PPP6C: variants seen among roughly 807,000 people sequenced by gnomAD.
PPP6C encodes protein phosphatase 6 catalytic subunit.
In PPP6C, 11 loss-of-function variants were observed where a neutral mutation model predicts 39.8. The observed-to-expected ratio is 0.28, with a 90% confidence interval of 0.17 to 0.46. The LOEUF is 0.46. Among genes scored for constraint, PPP6C ranks in the 20% least tolerant of loss-of-function variants. PPP6C has a pLI of 1.00. For synonymous variants in PPP6C, 129 were observed against 130.3 expected (o/e 0.99, Z 0.07); for missense variants, 211 against 373.9 (o/e 0.56, Z 3.59).
chr9:125,151,708 C>CTGAGCTTAT (rs1226641730), intron 6 of PPP6C: 3 of 319,250 alleles, frequency 9.4e-6, no homozygotes, highest in African/African-American at 4.4e-5. Flanking sequence ...CTTTCTATAT[C>CTGAGCTTAT]CCACATCAGG....
At position 125,149,871 on chromosome 9, in the gene PPP6C, C is replaced by T. The variant is rs748497442; in HGVS notation, c.720G>A (p.Val240=). The part of the protein sequence containing the change: ...LKLICRAHQL[V]HEGYKFMFDE... ...CAAACATAAATTTATAGCCTTCGTG[C>T]ACTAGTTGATGTGCTCTGCAGATGA... Residue 240 remains valine, a synonymous_variant, in exon 7 of 7, where the codon GTG becomes GTA. Coordinates refer to ENST00000373547, the MANE Select transcript of PPP6C (RefSeq NM_002721.5). The T allele has an allele frequency of 6.8e-6, 11 of 1,613,956 alleles. No homozygotes were observed. In the Admixed American group the frequency reaches 1.5e-4, roughly 22 times the overall value.
chr9:125,165,958 G>A (rs1829004466), intron 2 of PPP6C, among the ~76,000 whole-genome samples: 1 of 151,780 alleles, frequency 6.6e-6, no homozygotes, highest in African/African-American at 2.4e-5. Flanking sequence ...CTCCACACCT[G>A]GCTAATTTTT....
intron 6 of PPP6C, chr9:125,151,001 G>T: frequency 7.3e-7 from 1 of 1,362,248 alleles, no homozygotes; most frequent in Non-Finnish European, 1.1e-6. Context: ...TCTGTGGCAG[G>T]CGCAGATCAT....
At chr9:125,178,205 T>A (rs955172676) in intron 1 of PPP6C, among the ~76,000 whole-genome samples, 1 of 152,230 alleles carries the variant, frequency 6.6e-6, no homozygotes, top group African/African-American at 2.4e-5. Flanking sequence ...AGAGTTTGTT[T>A]AGTTTTATAA....
intron 2 of PPP6C, among the ~76,000 whole-genome samples, chr9:125,162,361 G>T (rs1361066673): frequency 6.6e-6 from 1 of 150,748 alleles, no homozygotes; most frequent in African/African-American, 2.4e-5. Flanking sequence ...GGGAGGCTGA[G>T]GCACAAGAAT....
rs1350921144 is a variant in PPP6C, at chr9:125,189,072, G to A, written c.75+572C>T. 16 of 697,340 alleles carry A rather than the reference G, an allele frequency of 2.3e-5. 1 individual carries two copies. The highest frequency in any genetic ancestry group is 3.8e-5 in the Non-Finnish European group (16 of 423,340). The allele number at this position is 697,340 out of a possible 1,614,324, so 43.2% of individuals were successfully genotyped here. ...TCACCTCTGAATTAGCAAAACCGACGATCCTAAAAAGCAATTTGGAGGAGT... is the reference window on the plus strand; with the variant it reads ...TCACCTCTGAATTAGCAAAACCGACAATCCTAAAAAGCAATTTGGAGGAGT... On this transcript the variant is annotated intron_variant, in intron 1 of 6. Transcript: ENST00000373547.
intron 2 of PPP6C, among the ~76,000 whole-genome samples, chr9:125,169,999 T>G (rs1209200931): frequency 6.6e-6 from 1 of 152,182 alleles, no homozygotes; most frequent in East Asian, 1.9e-4. Context: ...CACAGTCATA[T>G]TTAAAGCAGG....
intron 4 of PPP6C, among the ~76,000 whole-genome samples, chr9:125,154,927 C>G (rs954442449): frequency 6.6e-6 from 1 of 152,204 alleles, no homozygotes; most frequent in African/African-American, 2.4e-5. Flanking sequence ...AGGTCTCACT[C>G]TATTGCCCAA....
chr9:125,158,742 A>G (rs1255902751), intron 3 of PPP6C, among the ~76,000 whole-genome samples: 2 of 151,620 alleles, frequency 1.3e-5, no homozygotes, highest in African/African-American at 4.9e-5. Context: ...GTTCACTGCA[A>G]CCTCCGCCTC....
intron 1 of PPP6C, among the ~76,000 whole-genome samples, chr9:125,184,709 A>C (rs10986621): frequency 0.013 from 1,952 of 152,290 alleles, 99 homozygotes; most frequent in Admixed American, 0.081. Flanking sequence ...ACAGTGGCTC[A>C]CATCTGTAAT....
Position 125,158,402 on chromosome 9 carries a change from A to G in PPP6C, c.238-20T>C. 6.2e-7 allele frequency: 1 copy of G among 1,608,248 alleles called. No homozygotes were observed. The highest frequency in any genetic ancestry group is 8.5e-7 in the Non-Finnish European group (1 of 1,176,196). ...ATCACCCTGTGAAGTAAAAGTTTACAGTTACAAACAATACAATAGCCACAA... is the reference window on the plus strand; with the variant it reads ...ATCACCCTGTGAAGTAAAAGTTTACGGTTACAAACAATACAATAGCCACAA... On this transcript the variant is annotated intron_variant, in intron 3 of 6. Transcript: ENST00000373547.
At chr9:125,163,078 CAA>C (rs1022750029) in intron 2 of PPP6C, among the ~76,000 whole-genome samples, 4 of 134,990 alleles carry the variant, frequency 3.0e-5, no homozygotes, top group South Asian at 2.3e-4. Flanking sequence ...GACTCTGTCT[CAA>C]AAAAAAAAAA....
At chr9:125,183,486 T>C (rs1829461009) in intron 1 of PPP6C, among the ~76,000 whole-genome samples, 2 of 152,210 alleles carry the variant, frequency 1.3e-5, no homozygotes, top group South Asian at 4.1e-4. Context: ...TTTTAAACAG[T>C]ATCACGAATC....
In PPP6C at chr9:125,172,751, AAAC is replaced by A. The variant is rs1564154782; in HGVS notation, c.76-1574_76-1572del. On this transcript the variant is annotated intron_variant, in intron 1 of 6. Transcript: ENST00000373547. ...CACACACACACACACACACACACAC[AAAC>A]ACACACACACACACACAAACACAAG... Among the ~76,000 whole-genome samples, 1,356 of 136,524 alleles carry A rather than the reference AAAC, an allele frequency of 9.9e-3. 18 individuals carry two copies. Among genetic ancestry groups the A allele is most frequent in the African/African-American group, 0.036 (1,230 of 33,876 alleles). The allele number at this position is 136,524 out of a possible 152,430, so 89.6% of individuals were successfully genotyped here.
intron 1 of PPP6C, among the ~76,000 whole-genome samples, chr9:125,182,383 T>C (rs1001680708): frequency 6.6e-6 from 1 of 152,162 alleles, no homozygotes; most frequent in Non-Finnish European, 1.5e-5. Flanking sequence ...GGCTCACACC[T>C]GTAAAATGAG....
At chr9:125,169,583 T>C (rs1564153243) in intron 2 of PPP6C, among the ~76,000 whole-genome samples, 1 of 152,126 alleles carries the variant, frequency 6.6e-6, no homozygotes, top group African/African-American at 2.4e-5. Context: ...TACAAATGTT[T>C]ACTTTGAGAG....
chr9:125,164,461 C>T (rs1364687976), intron 2 of PPP6C, among the ~76,000 whole-genome samples: 1 of 151,952 alleles, frequency 6.6e-6, no homozygotes, highest in African/African-American at 2.4e-5. Flanking sequence ...CCCCTCACCT[C>T]AGGTAATCTG....
chr9:125,152,250 C>G (rs1445908445), intron 6 of PPP6C, among the ~76,000 whole-genome samples: 1 of 152,082 alleles, frequency 6.6e-6, no homozygotes, highest in African/African-American at 2.4e-5. Context: ...TTGGCTTTAC[C>G]TTCATCCATC....
intron 4 of PPP6C, among the ~76,000 whole-genome samples, chr9:125,154,340 T>C (rs1012704127): frequency 6.6e-6 from 1 of 152,254 alleles, no homozygotes. Flanking sequence ...TATAAATTTG[T>C]GCAGCATGTA....
Sources: gnomAD v4.1 joint callset for allele counts (sites outside exome capture counted in the v4.1 genomes callset) on GRCh38, gnomAD v4.1.1 for gene constraint, MANE v1.5 for transcripts, NCBI Gene and HGNC (gene_info 2026-07-23, HGNC 2026-07-21) for gene names.